MICU3: variants seen among roughly 807,000 people sequenced by gnomAD.
MICU3 encodes the protein calcium uptake protein 3, mitochondrial.
MICU3 carries 62 observed loss-of-function variants against 66.5 expected under a neutral mutation model. The ratio of observed to expected loss-of-function variants is 0.93; its 90% CI spans 0.76 to 1.15. The LOEUF (loss-of-function observed/expected upper bound fraction) is 1.15, where lower values mean the gene tolerates loss of function less well. Among genes scored for constraint, MICU3 ranks in the 50% most tolerant of loss-of-function variants. The pLI, the probability that MICU3 is intolerant of heterozygous loss-of-function variation, is 0.00. For missense variants in MICU3, 779 were observed against 664.4 expected (o/e 1.17, Z -1.90); for synonymous variants, 308 against 240.7 (o/e 1.28, Z -2.59).
At chr8:17,085,339 A>C in intron 6 of MICU3, 21 bp downstream of exon 6, 3 of 1,431,242 alleles carry the variant, frequency 2.1e-6, no homozygotes, top group Non-Finnish European at 2.9e-6. Context: ...TAGATGCTGC[A>C]CTTTATCAAT....
chr8:17,029,837 C>T (rs972112327), intron 1 of MICU3, among the ~76,000 whole-genome samples: 40 of 151,578 alleles, frequency 2.6e-4, no homozygotes, highest in Middle Eastern at 3.4e-3. Flanking sequence ...TGATTTTTCT[C>T]TTCTCCCTCT....
intron 14 of MICU3, among the ~76,000 whole-genome samples, chr8:17,119,693 A>G (rs1348712811): frequency 6.6e-6 from 1 of 152,066 alleles, no homozygotes; most frequent in Non-Finnish European, 1.5e-5. Flanking sequence ...TTCCCCATAG[A>G]GTTTATTAGA....
Position 17,091,035 on chromosome 8 carries a change from T to C in MICU3, c.888+451T>C, listed in dbSNP as rs967300314. ...TTTTCATTTTCACTTTTGCTCACAA[T>C]TTTTTTTCAAAGCCTTTGTTTCCTG... On this transcript the variant is annotated intron_variant, in intron 8 of 14. Transcript: ENST00000318063. Among the ~76,000 whole-genome samples the C allele has an allele frequency of 5.9e-5, 9 of 152,050 alleles. No homozygotes were observed. In the East Asian group the frequency reaches 1.7e-3, roughly 30 times the overall value.
At chr8:17,093,255 A>C (rs1418995654) in intron 8 of MICU3, among the ~76,000 whole-genome samples, 1 of 152,050 alleles carries the variant, frequency 6.6e-6, no homozygotes, top group Non-Finnish European at 1.5e-5. Context: ...TAATGCCAAA[A>C]GCCAAGTACA....
intron 4 of MICU3, among the ~76,000 whole-genome samples, chr8:17,080,503 G>C (rs919758703): frequency 6.6e-6 from 1 of 152,118 alleles, no homozygotes; most frequent in Non-Finnish European, 1.5e-5. Flanking sequence ...GAGACAGCAT[G>C]CCCATTTCCC....
At chr8:17,044,483 T>G (rs1185731895) in intron 1 of MICU3, among the ~76,000 whole-genome samples, 1 of 152,196 alleles carries the variant, frequency 6.6e-6, no homozygotes, top group East Asian at 1.9e-4. Flanking sequence ...TAAAAATTTT[T>G]TTTTTGGAAA....
At chr8:17,117,325 G>T (rs1163323953) in intron 13 of MICU3, among the ~76,000 whole-genome samples, 1 of 152,028 alleles carries the variant, frequency 6.6e-6, no homozygotes, top group African/African-American at 2.4e-5. Context: ...GTAACTTGAT[G>T]CTCTTATGTT....
chr8:17,104,771 G>A (rs1585521670), intron 10 of MICU3, among the ~76,000 whole-genome samples: 1 of 35,570 alleles, frequency 2.8e-5, no homozygotes, highest in Non-Finnish European at 4.5e-5. Flanking sequence ...CGAGGCGGGC[G>A]GATCACGAGG....
the MICU3 span, among the ~76,000 whole-genome samples, chr8:17,135,003 A>G: frequency 6.6e-6 from 1 of 152,260 alleles, no homozygotes; most frequent in African/African-American, 2.4e-5. Context: ...TCAGTTGTAT[A>G]TTCTACTTAC....
At chr8:17,067,219 C>T (rs555779438) in intron 2 of MICU3, among the ~76,000 whole-genome samples, 9 of 152,202 alleles carry the variant, frequency 5.9e-5, no homozygotes, top group East Asian at 1.9e-4. Flanking sequence ...AAAACTGTAG[C>T]GTAATGAAAT....
Position 17,083,709 on chromosome 8 carries a change from A to T in MICU3, c.695-1527A>T, listed in dbSNP as rs537421443. ...TTTGTAATAGGGCTACCTGAGGTTG[A>T]TCCATTCTGCAAAGCCATAGTAATG... On this transcript the variant is annotated intron_variant, in intron 5 of 14. Transcript: ENST00000318063. Among the ~76,000 whole-genome samples the T allele has an allele frequency of 1.1e-4, 16 of 152,150 alleles. 1 individual carries two copies. Among genetic ancestry groups the T allele is most frequent in the African/African-American group, 3.9e-4 (16 of 41,472 alleles).
intron 4 of MICU3, among the ~76,000 whole-genome samples, chr8:17,080,899 A>T (rs540806052): frequency 1.5e-3 from 233 of 152,284 alleles, no homozygotes; most frequent in African/African-American, 5.1e-3. Flanking sequence ...GAACTATCTG[A>T]TATCTAAATA....
At position 17,069,733 on chromosome 8, in the gene MICU3, C is replaced by T. The variant is rs1819261812; in HGVS notation, c.567+14C>T. On this transcript the variant is annotated intron_variant, in intron 3 of 14. Coordinates refer to ENST00000318063, the MANE Select transcript of MICU3 (RefSeq NM_181723.3). ...CTTTCCAAACAGGTGAGTTAAAGCT[C>T]TTGGTAGATATACACAAATTTTATA... 2 of 1,492,204 alleles carry T rather than the reference C, an allele frequency of 1.3e-6. No homozygotes were observed. Among genetic ancestry groups the T allele is most frequent in the Non-Finnish European group, 1.8e-6 (2 of 1,105,872 alleles). 92.4% of individuals were successfully genotyped at this position (1,492,204 alleles called of 1,614,324 possible).
chr8:17,117,573 C>T (rs1044416431), intron 13 of MICU3, among the ~76,000 whole-genome samples: 9 of 149,742 alleles, frequency 6.0e-5, no homozygotes, highest in Non-Finnish European at 8.9e-5. Flanking sequence ...AATATTCAAT[C>T]TTCCCTCTTG....
chr8:17,051,036 G>A (rs1247845492), intron 1 of MICU3, among the ~76,000 whole-genome samples: 2 of 151,952 alleles, frequency 1.3e-5, no homozygotes, highest in Non-Finnish European at 2.9e-5. Context: ...TCTTCAATTG[G>A]TTACACATAA....
intron 1 of MICU3, among the ~76,000 whole-genome samples, chr8:17,051,861 T>C (rs1816141630): frequency 2.0e-5 from 3 of 151,614 alleles, no homozygotes; most frequent in African/African-American, 7.3e-5. Context: ...AGGAGAAAAA[T>C]GGCAGGGAGG....
chr8:17,137,157 G>T, the MICU3 span, among the ~76,000 whole-genome samples: 1 of 151,984 alleles, frequency 6.6e-6, no homozygotes, highest in African/African-American at 2.4e-5. Flanking sequence ...ATCCAAGTAC[G>T]TAAAGGCTTC....
chr8:17,049,059 G>A (rs550433484), intron 1 of MICU3, among the ~76,000 whole-genome samples: 30 of 152,242 alleles, frequency 2.0e-4, no homozygotes, highest in African/African-American at 3.4e-4. Flanking sequence ...AACGTCAGCC[G>A]TTTTCTCTTC....
At chr8:17,038,086 G>C (rs1046017080) in intron 1 of MICU3, among the ~76,000 whole-genome samples, 2 of 152,246 alleles carry the variant, frequency 1.3e-5, no homozygotes, top group Non-Finnish European at 1.5e-5. Context: ...TTAGATTTTG[G>C]ACTGTGGACT....
Sources: gnomAD v4.1 joint callset for allele counts (sites outside exome capture counted in the v4.1 genomes callset) on GRCh38, gnomAD v4.1.1 for gene constraint, MANE v1.5 for transcripts, NCBI Gene and HGNC (gene_info 2026-07-23, HGNC 2026-07-21) for gene names.